CREBZF: variants seen among roughly 807,000 people sequenced by gnomAD.
CREBZF encodes HCF-binding transcription factor Zhangfei.
CREBZF carries 8 observed loss-of-function variants against 21.1 expected under a neutral mutation model. That is an observed-to-expected ratio of 0.38 (90% CI 0.22 to 0.68). The LOEUF (loss-of-function observed/expected upper bound fraction) is 0.68, where lower values mean the gene tolerates loss of function less well. Among genes scored for constraint, CREBZF ranks in the 30% least tolerant of loss-of-function variants. CREBZF has a pLI of 0.51. For missense variants in CREBZF, 518 were observed against 484.3 expected, an observed-to-expected ratio of 1.07 and a Z score of -0.65; for synonymous variants, 270 against 223.3, an observed-to-expected ratio of 1.21 and a Z score of -1.86.
intron 1 of CREBZF, among the ~76,000 whole-genome samples, chr11:85,673,546 CT>C (rs2082925868): frequency 6.6e-6 from 1 of 152,180 alleles, no homozygotes; most frequent in Non-Finnish European, 1.5e-5. Flanking sequence ...GAGTCACAAT[CT>C]TTTTGCTGGT....
At position 85,660,451 on chromosome 11, in the gene CREBZF, G is replaced by GT. The variant is rs2082641502; in HGVS notation, c.*3359dup. 1 of 376,012 alleles carries GT rather than the reference G, an allele frequency of 2.7e-6. No individual in the cohort carries two copies. The highest frequency in any genetic ancestry group is 5.2e-6 in the Non-Finnish European group (1 of 193,942). The allele number at this position is 376,012 out of a possible 1,614,324, so 23.3% of individuals were successfully genotyped here. A position where few individuals can be genotyped will look rare whatever the true frequency, so the allele number is the denominator to read the frequency against. The stretch of plus-strand genomic sequence containing the variant: ...TCTGGAAAGTGAAATCAGTATAGAA[G>GT]TAATTTGGGAACTTGAAAATGGCAT... On this transcript the variant is annotated 3_prime_UTR_variant, in exon 1 of 1. Transcript: ENST00000527447.
upstream of CREBZF, among the ~76,000 whole-genome samples, chr11:85,668,545 C>T (rs1282812037): frequency 6.6e-6 from 1 of 151,980 alleles, no homozygotes; most frequent in Non-Finnish European, 1.5e-5. Flanking sequence ...CTTTTGCTTC[C>T]TGCTTTGCAA....
chr11:85,664,018 G>A lies in CREBZF; in HGVS notation c.858C>T (p.Gly286=). 6.2e-7 allele frequency: 1 copy of A among 1,612,980 alleles called. No individual in the cohort carries two copies. Among genetic ancestry groups the A allele is most frequent in the Non-Finnish European group, 8.5e-7 (1 of 1,179,932 alleles). Residue 286 remains glycine, a synonymous_variant, in exon 1 of 1, where the codon GGC becomes GGT. Coordinates refer to ENST00000527447, the MANE Select transcript of CREBZF (RefSeq NM_001039618.4). The surrounding 1 kb of genome is among the most constrained non-coding windows in gnomAD (Gnocchi z 5.5). The part of the protein sequence containing the change: ...GLARLLSRLS[G]VGLRLTTSLF... Reference sequence around the variant, plus strand: ...GCGAGGTGGTCAGCCGCAGTCCCACGCCGCTCAGCCGGCTCAGCAAGCGAG... The same window carrying A: ...GCGAGGTGGTCAGCCGCAGTCCCACACCGCTCAGCCGGCTCAGCAAGCGAG...
chr11:85,665,597 C>T (rs2082849164), upstream of CREBZF, among the ~76,000 whole-genome samples: 2 of 150,676 alleles, frequency 1.3e-5, no homozygotes, highest in Non-Finnish European at 1.5e-5. Context: ...CTGATCACTA[C>T]ATTCCATATG....
chr11:85,682,136 T>C (rs1335523346), intron 1 of CREBZF, among the ~76,000 whole-genome samples: 2 of 152,154 alleles, frequency 1.3e-5, no homozygotes, highest in African/African-American at 4.8e-5. Flanking sequence ...GTAGGCGGCA[T>C]ACCCAGGGCC....
upstream of CREBZF, among the ~76,000 whole-genome samples, chr11:85,669,237 C>A (rs1323387252): frequency 6.6e-6 from 1 of 151,888 alleles, no homozygotes; most frequent in Non-Finnish European, 1.5e-5. Context: ...CTTTATAACC[C>A]TGTACATTGG....
At chr11:85,677,292 G>A (rs2082949224) in intron 1 of CREBZF, among the ~76,000 whole-genome samples, 2 of 152,012 alleles carry the variant, frequency 1.3e-5, no homozygotes, top group African/African-American at 4.8e-5. Context: ...TAGCCACAAT[G>A]CCATGATTAC....
chr11:85,665,924 G>C (rs1056491494), upstream of CREBZF, among the ~76,000 whole-genome samples: 1 of 152,146 alleles, frequency 6.6e-6, no homozygotes, highest in Non-Finnish European at 1.5e-5. Flanking sequence ...AGACCATCAC[G>C]ACCTTATACA....
chr11:85,679,051 T>G (rs2082959722), intron 1 of CREBZF, among the ~76,000 whole-genome samples: 1 of 152,170 alleles, frequency 6.6e-6, no homozygotes, highest in Non-Finnish European at 1.5e-5. Flanking sequence ...GGCCAGAGAA[T>G]CTCTTGAGTC....
At chr11:85,676,979 T>TTTTTTTTTTTTTTTC (rs1163639367) in intron 1 of CREBZF, among the ~76,000 whole-genome samples, 25 of 148,992 alleles carry the variant, frequency 1.7e-4, no homozygotes, top group Non-Finnish European at 3.4e-4. Context: ...TCTTTTTTTT[T>TTTTTTTTTTTTTTTC]TTGAGACAGA....
In CREBZF at chr11:85,662,364, T is replaced by C; in HGVS notation, c.*1447A>G. On this transcript the variant is annotated 3_prime_UTR_variant, in exon 1 of 1. Transcript: ENST00000527447. ...AAACAGCAGAAGCCCTGATATTACCTCTTTTTCCTCATTTCTTATACTACC... is the reference window on the plus strand; with the variant it reads ...AAACAGCAGAAGCCCTGATATTACCCCTTTTTCCTCATTTCTTATACTACC... The C allele has an allele frequency of 2.8e-6, 2 of 715,158 alleles. No individual in the cohort carries two copies. The highest frequency in any genetic ancestry group is 1.5e-5 in the South Asian group (1 of 67,366). 44.3% of individuals were successfully genotyped at this position (715,158 alleles called of 1,614,324 possible). A position where few individuals can be genotyped will look rare whatever the true frequency, so the allele number is the denominator to read the frequency against.
rs1170116512 is a variant in CREBZF at position 85,663,705 on chromosome 11, C to T, written c.*106G>A. The stretch of plus-strand genomic sequence containing the variant: ...TTTAAGATTCAATATTACTTTTTTT[C>T]TCTCCTCTGAAATGTGTCCGGTGAA... On this transcript the variant is annotated 3_prime_UTR_variant, in exon 1 of 1. Coordinates refer to ENST00000527447, the MANE Select transcript of CREBZF (RefSeq NM_001039618.4). 6.2e-7 allele frequency: 1 copy of T among 1,604,184 alleles called. No homozygotes were observed. The highest frequency in any genetic ancestry group is 8.5e-7 in the Non-Finnish European group (1 of 1,175,398).
At chr11:85,674,101 G>A (rs938975110) in intron 1 of CREBZF, among the ~76,000 whole-genome samples, 10 of 152,030 alleles carry the variant, frequency 6.6e-5, no homozygotes, top group South Asian at 2.1e-4. Flanking sequence ...CCAAACAAAC[G>A]TTCTCAATGG....
chr11:85,665,769 A>G (rs1232870352), upstream of CREBZF, among the ~76,000 whole-genome samples: 1 of 152,196 alleles, frequency 6.6e-6, no homozygotes, highest in Admixed American at 6.5e-5. Context: ...CACTTGAGCC[A>G]AAATCCAATC....
chr11:85,668,487 G>T (rs76824263), upstream of CREBZF, among the ~76,000 whole-genome samples: 5,629 of 151,974 alleles, frequency 0.037, 154 homozygotes, highest in East Asian at 0.097. Flanking sequence ...TTAATTTTCA[G>T]CTTATTTATC....
intron 1 of CREBZF, among the ~76,000 whole-genome samples, chr11:85,674,052 C>T (rs1045007741): frequency 1.3e-5 from 2 of 152,218 alleles, no homozygotes; most frequent in Non-Finnish European, 2.9e-5. Context: ...TTGAATCCTT[C>T]TAAGTCATCC....
upstream of CREBZF, among the ~76,000 whole-genome samples, chr11:85,669,001 C>CAAAAAAAAAAAAAAAAAAAA (rs61718728): frequency 2.4e-4 from 8 of 33,218 alleles, no homozygotes; most frequent in Non-Finnish European, 5.0e-4. Flanking sequence ...GACTCCGTCT[C>CAAAAAAAAAAAAAAAAAAAA]AAAAAAAAAA....
In CREBZF at chr11:85,682,811, A is replaced by G. The variant is rs1014892391; in HGVS notation, n.53T>C. The G allele has an allele frequency of 8.5e-6, 6 of 701,934 alleles. No homozygotes were observed. The Admixed American group carries it at 1.2e-4, about 14-fold the overall frequency. 43.5% of individuals were successfully genotyped at this position (701,934 alleles called of 1,614,324 possible). On this transcript the variant is annotated non_coding_transcript_exon_variant, in exon 1 of 4. Coordinates refer to the CREBZF transcript ENST00000531515. ...GCGCAAAACTTAGGCCCCAAGGATT[A>G]CCACGGGGCCGCAATTTGGGATGGA... is the stretch of plus-strand genomic sequence containing the variant.
At chr11:85,681,003 A>G (rs1211605126) in intron 1 of CREBZF, among the ~76,000 whole-genome samples, 1 of 152,162 alleles carries the variant, frequency 6.6e-6, no homozygotes, top group African/African-American at 2.4e-5. Flanking sequence ...GTGGATCCTG[A>G]TTGGTCTAAA....
Sources: allele counts gnomAD v4.1 joint callset (sites outside exome capture counted in the v4.1 genomes callset), GRCh38; gene constraint gnomAD v4.1.1; non-coding constraint Gnocchi (gnomAD v3.1); transcripts MANE v1.5; gene names NCBI Gene and HGNC (gene_info 2026-07-23, HGNC 2026-07-21).